The following ESRP2 variants were observed in gnomAD, a reference collection of about 807,000 sequenced individuals.
ESRP2 encodes RNA binding motif protein 35A.
ESRP2 carries 48 observed loss-of-function variants against 78.6 expected under a neutral mutation model. The observed-to-expected ratio is 0.61, with a 90% CI of 0.48 to 0.78. ESRP2 has a LOEUF of 0.78. Among genes scored for constraint, ESRP2 ranks in the 30% least tolerant of loss-of-function variants. The pLI is 0.00. For synonymous variants in ESRP2, 383 were observed against 406.7 expected (o/e 0.94, Z 0.70); for missense variants, 863 against 965.9 (o/e 0.89, Z 1.41).
chr16:68,234,914 T>TGG (rs1262144862), intron 2 of ESRP2: 1 of 158,506 alleles, frequency 6.3e-6, no homozygotes, highest in Non-Finnish European at 1.3e-5. Flanking sequence ...ACCACAAGAG[T>TGG]TGTTGGAAGA....
chr16:68,230,908 TG>T lies in ESRP2; in HGVS notation c.1830del (p.Thr611ProfsTer15). On this transcript the variant is annotated frameshift_variant, in exon 13 of 15. Coordinates refer to ENST00000473183, the MANE Select transcript of ESRP2 (RefSeq NM_024939.3). LOFTEE classifies it high-confidence loss of function. Reference sequence around the variant, plus strand: ...GGCCCTGGATAGTAGGCAACAGGGGTGGGGGCAGCAGGCACCCTGGCAGCTG... The same window carrying T: ...GGCCCTGGATAGTAGGCAACAGGGGTGGGGCAGCAGGCACCCTGGCAGCTG... ...LLPAARVPAA[P>X]TPVAYYPGPA... The T allele has an allele frequency of 6.2e-7, 1 of 1,613,288 alleles. No individual in the cohort carries two copies. Among genetic ancestry groups the T allele is most frequent in the Non-Finnish European group, 8.5e-7 (1 of 1,179,772 alleles).
At chr16:68,234,910 A>G (rs900503412) in intron 2 of ESRP2, 2 of 158,740 alleles carry the variant, frequency 1.3e-5, no homozygotes, top group Non-Finnish European at 1.4e-5. Context: ...AGGAACCACA[A>G]GAGTTGTTGG....
chr16:68,232,799 C>A lies in ESRP2; in HGVS notation c.672G>T (p.Lys224Asn). 3.1e-6 allele frequency: 5 copies of A among 1,614,160 alleles called. No homozygotes were observed. Among genetic ancestry groups the A allele is most frequent in the Non-Finnish European group, 4.2e-6 (5 of 1,180,040 alleles). The change falls in exon 6 of 15, where the codon AAG becomes AAT. Residue 224 changes from lysine to asparagine, a missense_variant. Physicochemically the swap from Lys to Asn is moderately conservative, Grantham distance 94. Transcript: ENST00000473183. This position sits in a 1 kb window ranked among gnomAD's most constrained non-coding sequence, Gnocchi z 5.2. ...CGTATTTCTGCTTTATCACCTCGGGCTTCGAAAACAATTGACCTGAGAAAA... is the reference window on the plus strand; with the variant it reads ...CGTATTTCTGCTTTATCACCTCGGGATTCGAAAACAATTGACCTGAGAAAA... ...LKEPSSQLFS[K>N]PEVIKQKYET...
Position 68,231,147 on chromosome 16 carries a change from C to T in ESRP2, c.1711+31G>A, listed in dbSNP as rs1180995688. The T allele has an allele frequency of 7.4e-6, 12 of 1,611,854 alleles. No homozygotes were observed. Among genetic ancestry groups the T allele is most frequent in the Non-Finnish European group, 1.0e-5 (12 of 1,179,166 alleles). ...TTACAACAGCCTGGCTACCACAGGC[C>T]TCCTCCTCCCCTAGCCCCTAGGGCA... On this transcript the variant is annotated intron_variant, in intron 12 of 14. Coordinates refer to ENST00000473183, the MANE Select transcript of ESRP2 (RefSeq NM_024939.3). This position sits in a 1 kb window ranked among gnomAD's most constrained non-coding sequence, Gnocchi z 6.0.
chr16:68,234,213 T>C (rs891084564), intron 2 of ESRP2, 106 bp from the exon 3 acceptor site: 2 of 839,742 alleles, frequency 2.4e-6, no homozygotes, highest in African/African-American at 1.7e-5. Context: ...TTCAGCCAGA[T>C]GTTCAGCCCT....
In ESRP2 at chr16:68,235,584, C is replaced by T; in HGVS notation, c.327+50G>A. On this transcript the variant is annotated intron_variant, in intron 2 of 14. Transcript: ENST00000473183. This position sits in a 1 kb window ranked among gnomAD's most constrained non-coding sequence, Gnocchi z 5.5. ...CTAGCCTCCGGCCGCCAATCCCGCCCAGAAATGTCCTCACGTCCAGGCCAT... is the reference window on the plus strand; with the variant it reads ...CTAGCCTCCGGCCGCCAATCCCGCCTAGAAATGTCCTCACGTCCAGGCCAT... The T allele has an allele frequency of 6.3e-7, 1 of 1,591,954 alleles. No homozygotes were observed. Among genetic ancestry groups the T allele is most frequent in the South Asian group, 1.1e-5 (1 of 90,084 alleles).
In ESRP2 at chr16:68,230,101, G is replaced by T; in HGVS notation, c.*125C>A. 1 of 866,608 alleles carries T rather than the reference G, an allele frequency of 1.2e-6. No individual in the cohort carries two copies. The highest frequency in any genetic ancestry group is 1.9e-6 in the Non-Finnish European group (1 of 532,448). 53.7% of individuals were successfully genotyped at this position (866,608 alleles called of 1,614,324 possible). A position where few individuals can be genotyped will look rare whatever the true frequency, so the allele number is the denominator to read the frequency against. On this transcript the variant is annotated 3_prime_UTR_variant, in exon 15 of 15. Coordinates refer to ENST00000473183, the MANE Select transcript of ESRP2 (RefSeq NM_024939.3). Reference sequence around the variant, plus strand: ...TGGAGCTGGGGCTTGGGCTCCTCTAGGTACCTTCTGAGAGCTTTGACAAGC... The same window carrying T: ...TGGAGCTGGGGCTTGGGCTCCTCTATGTACCTTCTGAGAGCTTTGACAAGC...
Position 68,233,891 on chromosome 16 carries a change from A to C in ESRP2, c.442-9T>G. 6.2e-7 allele frequency: 1 copy of C among 1,611,152 alleles called. No individual in the cohort carries two copies. Among genetic ancestry groups the C allele is most frequent in the Non-Finnish European group, 8.5e-7 (1 of 1,177,370 alleles). ...TCGGGGAGCACCAGGTTCTGGGGGC[A>C]CATAGGATTGAGGATGAGCGCCCTG... On this transcript the variant is annotated splice_polypyrimidine_tract_variant and intron_variant, in intron 3 of 14. Coordinates refer to ENST00000473183, the MANE Select transcript of ESRP2 (RefSeq NM_024939.3).
At position 68,235,372 on chromosome 16, in the gene ESRP2, G is replaced by A; in HGVS notation, c.327+262C>T. ...CGCTCCCCGGGCGGGAACTGGGGAT[G>A]GATCCCAAAGCCTGCGTCCCGATCC... On this transcript the variant is annotated intron_variant, in intron 2 of 14. Transcript: ENST00000473183. The surrounding 1 kb of genome is among the most constrained non-coding windows in gnomAD (Gnocchi z 5.5). 1.0e-6 allele frequency: 1 copy of A among 985,468 alleles called. No individual in the cohort carries two copies. Among genetic ancestry groups the A allele is most frequent in the Non-Finnish European group, 1.2e-6 (1 of 829,938 alleles). The allele number at this position is 985,468 out of a possible 1,614,324, so 61.0% of individuals were successfully genotyped here.
At chr16:68,233,694 C>T in intron 4 of ESRP2, 74 bp downstream of exon 4, 4 of 1,109,906 alleles carry the variant, frequency 3.6e-6, no homozygotes, top group South Asian at 1.3e-5. Flanking sequence ...TATTACCCAC[C>T]CACAGCATGC....
At position 68,236,089 on chromosome 16, in the gene ESRP2, G is replaced by T; in HGVS notation, c.-44C>A. ...CTCTCGGCCAGACACGCGGACCGAC[G>T]AGGCGCACGCACGCACCGACCGACC... On this transcript the variant is annotated 5_prime_UTR_variant, in exon 1 of 15. Coordinates refer to ENST00000473183, the MANE Select transcript of ESRP2 (RefSeq NM_024939.3). The surrounding 1 kb of genome is among the most constrained non-coding windows in gnomAD (Gnocchi z 5.2). 1 of 1,390,806 alleles carries T rather than the reference G, an allele frequency of 7.2e-7. No individual in the cohort carries two copies. Among genetic ancestry groups the T allele is most frequent in the Non-Finnish European group, 9.2e-7 (1 of 1,083,922 alleles). 86.2% of individuals were successfully genotyped at this position (1,390,806 alleles called of 1,614,324 possible).
rs2042219102 is a variant in ESRP2 at position 68,235,807 on chromosome 16, G to A, written c.198+41C>T. The A allele has an allele frequency of 1.2e-6, 2 of 1,609,944 alleles. No homozygotes were observed. Among genetic ancestry groups the A allele is most frequent in the African/African-American group, 1.3e-5 (1 of 74,836 alleles). ...CCGATCAGCCGCGCCCCTCGACCCC[G>A]GAAGCTCCCTGGGGACCTCACCGCC... is the stretch of plus-strand genomic sequence containing the variant. On this transcript the variant is annotated intron_variant, in intron 1 of 14. Coordinates refer to ENST00000473183, the MANE Select transcript of ESRP2 (RefSeq NM_024939.3). The surrounding 1 kb of genome is among the most constrained non-coding windows in gnomAD (Gnocchi z 5.5).
In ESRP2 at chr16:68,232,552, G is replaced by A. The variant is rs1441132910; in HGVS notation, c.821+25C>T. The A allele has an allele frequency of 1.2e-6, 2 of 1,614,074 alleles. No homozygotes were observed. Among genetic ancestry groups the A allele is most frequent in the African/African-American group, 1.3e-5 (1 of 75,042 alleles). On this transcript the variant is annotated intron_variant, in intron 7 of 14. Transcript: ENST00000473183. This position sits in a 1 kb window ranked among gnomAD's most constrained non-coding sequence, Gnocchi z 5.2. ...CCTCCTGGGTAGGCCTGTCCAATTG[G>A]GCCCACCCACCCTGCCACACCCACC... is the stretch of plus-strand genomic sequence containing the variant.
chr16:68,229,988 A>G lies in ESRP2; in HGVS notation c.*238T>C. The G allele has an allele frequency of 1.8e-6, 1 of 558,290 alleles. No homozygotes were observed. Among genetic ancestry groups the G allele is most frequent in the Non-Finnish European group, 3.2e-6 (1 of 311,580 alleles). The allele number at this position is 558,290 out of a possible 1,614,324, so 34.6% of individuals were successfully genotyped here. On this transcript the variant is annotated 3_prime_UTR_variant, in exon 15 of 15. Coordinates refer to ENST00000473183, the MANE Select transcript of ESRP2 (RefSeq NM_024939.3). ...GTCAAGATGCCTGGCTCAGGCCATCAGGAGCTGGTTAGCCCCATTCCACCC... is the reference window on the plus strand; with the variant it reads ...GTCAAGATGCCTGGCTCAGGCCATCGGGAGCTGGTTAGCCCCATTCCACCC...
Position 68,232,134 on chromosome 16 carries a change from T to A in ESRP2, c.998-31A>T. The A allele has an allele frequency of 6.2e-7, 1 of 1,610,202 alleles. No individual in the cohort carries two copies. The highest frequency in any genetic ancestry group is 8.5e-7 in the Non-Finnish European group (1 of 1,177,420). ...TATGAGAGTCGCCTGCTGACTTCAC[T>A]CATGCTCCTCCAGACACTCACCCAT... On this transcript the variant is annotated intron_variant, in intron 9 of 14. Coordinates refer to ENST00000473183, the MANE Select transcript of ESRP2 (RefSeq NM_024939.3). The surrounding 1 kb of genome is among the most constrained non-coding windows in gnomAD (Gnocchi z 5.2).
rs766943326 is a variant in ESRP2, at chr16:68,232,555, C to CCACCCACCCTGCCA, written c.821+8_821+21dup. 60 of 1,613,922 alleles carry CCACCCACCCTGCCA rather than the reference C, an allele frequency of 3.7e-5. No homozygotes were observed. The East Asian group carries it at 1.1e-3, about 30-fold the overall frequency. ...CCTGGGTAGGCCTGTCCAATTGGGC[C>CCACCCACCCTGCCA]CACCCACCCTGCCACACCCACCTGG... On this transcript the variant is annotated intron_variant, in intron 7 of 14. Transcript: ENST00000473183. This position sits in a 1 kb window ranked among gnomAD's most constrained non-coding sequence, Gnocchi z 5.2.
rs1236423381 is a variant in ESRP2 at position 68,231,598 on chromosome 16, A to G, written c.1396T>C (p.Cys466Arg). Residue 466 changes from cysteine (C) to arginine (R), a missense_variant, in exon 11 of 15, where the codon TGT (cysteine) becomes CGT (arginine). Coordinates refer to ENST00000473183, the MANE Select transcript of ESRP2 (RefSeq NM_024939.3). This position sits in a 1 kb window ranked among gnomAD's most constrained non-coding sequence, Gnocchi z 6.0. ...FPLAPGTGRD[C>R]VRLRGLPYTA... ...TAGGGCAGGCCTCGGAGGCGTACAC[A>G]GTCCCTCCCAGTCCCAGGTGCCAGT... The G allele has an allele frequency of 1.4e-5, 22 of 1,613,936 alleles. No individual in the cohort carries two copies. The highest frequency in any genetic ancestry group is 1.8e-5 in the Non-Finnish European group (21 of 1,179,962).
chr16:68,235,967 G>A lies in ESRP2; in HGVS notation c.79C>T (p.Pro27Ser). The A allele has an allele frequency of 6.2e-7, 1 of 1,607,616 alleles. No homozygotes were observed. Among genetic ancestry groups the A allele is most frequent in the South Asian group, 1.1e-5 (1 of 90,470 alleles). Residue 27 changes from proline (P) to serine (S), a missense_variant, in exon 1 of 15, where the codon CCC becomes TCC. Physicochemically the swap from Pro to Ser is moderately conservative, Grantham distance 74. Coordinates refer to ENST00000473183, the MANE Select transcript of ESRP2 (RefSeq NM_024939.3). The surrounding 1 kb of genome is among the most constrained non-coding windows in gnomAD (Gnocchi z 5.5). ...CCGAAGAGGACGACCAGTGATCCGG[G>A]CCAGGGGCAGGGGTCCGCGGCGGGG... ...ADPAADPCPW[P>S]GSLVVLFGAT...
At chr16:68,230,645 T>A (rs2042117179) in intron 13 of ESRP2, 91 bp from the exon 14 acceptor site, 1 of 1,468,656 alleles carries the variant, frequency 6.8e-7, no homozygotes, top group African/African-American at 1.4e-5. Flanking sequence ...TGCCTTGTGC[T>A]TAATTCAGTT....
Sources: allele counts gnomAD v4.1 joint callset, GRCh38; gene constraint gnomAD v4.1.1; non-coding constraint Gnocchi (gnomAD v3.1); transcripts MANE v1.5; gene names NCBI Gene and HGNC (gene_info 2026-07-23, HGNC 2026-07-21).